Variants in GRID2 observed in about 807,000 individuals in gnomAD.
The protein encoded by GRID2 is glutamate receptor ionotropic, delta-2.
Under a neutral mutation model 114.8 loss-of-function variants are expected in GRID2, and 33 were observed. That is an observed-to-expected ratio of 0.29 (90% CI 0.22 to 0.38). GRID2 has a LOEUF of 0.38. Ranked by LOEUF, GRID2 falls within the 10% of genes least tolerant of loss-of-function variation. GRID2 has a pLI of 1.00. For synonymous variants in GRID2, 505 were observed against 449.9 expected (o/e 1.12, Z -1.55); for missense variants, 1,184 against 1,257.7 (o/e 0.94, Z 0.89).
chr4:92,316,419 C>G (rs1725983335), intron 1 of GRID2, among the ~76,000 whole-genome samples: 1 of 152,018 alleles, frequency 6.6e-6, no homozygotes, highest in Non-Finnish European at 1.5e-5. Context: ...TGGACATTTT[C>G]TATAATCCAT....
chr4:93,744,582 G>C (rs552807511), intron 14 of GRID2, among the ~76,000 whole-genome samples: 1 of 152,266 alleles, frequency 6.6e-6, no homozygotes, highest in South Asian at 2.1e-4. Context: ...GATAAAACTT[G>C]AACGGATGAG....
intron 10 of GRID2, among the ~76,000 whole-genome samples, chr4:93,453,715 A>G (rs116041535): frequency 0.018 from 2,698 of 152,240 alleles, 66 homozygotes; most frequent in African/African-American, 0.062. Context: ...TGAACATTTT[A>G]TAAATATTAT....
intron 1 of GRID2, among the ~76,000 whole-genome samples, chr4:92,349,762 AG>A (rs1727970162): frequency 6.6e-6 from 1 of 151,780 alleles, no homozygotes; most frequent in Admixed American, 6.6e-5. Context: ...AATAATCTGC[AG>A]GGGAAAACAT....
At chr4:92,897,387 G>A (rs981019150) in intron 2 of GRID2, among the ~76,000 whole-genome samples, 1 of 152,088 alleles carries the variant, frequency 6.6e-6, no homozygotes, top group Non-Finnish European at 1.5e-5. Context: ...ATACAAAACA[G>A]TGTACTTTTA....
intron 2 of GRID2, among the ~76,000 whole-genome samples, chr4:92,597,072 G>C (rs373779487): frequency 6.6e-6 from 1 of 151,536 alleles, no homozygotes; most frequent in South Asian, 2.1e-4. Flanking sequence ...TTTTTTTTAC[G>C]ATCATTATAC....
chr4:92,458,844 C>A (rs1165163620), intron 1 of GRID2, among the ~76,000 whole-genome samples: 1 of 152,014 alleles, frequency 6.6e-6, no homozygotes. Context: ...GAAAAAAAGT[C>A]CATGTGATAA....
At chr4:93,298,258 A>T (rs567569219) in intron 8 of GRID2, among the ~76,000 whole-genome samples, 1 of 152,196 alleles carries the variant, frequency 6.6e-6, no homozygotes, top group African/African-American at 2.4e-5. Context: ...ACAAAGTGCC[A>T]TAGGCTGAAT....
rs1723710051 is a variant in GRID2, at chr4:93,461,224, C to A, written c.1858+5250C>A. Among the ~76,000 whole-genome samples, 5 of 152,238 alleles carry A rather than the reference C, an allele frequency of 3.3e-5. No homozygotes were observed. The South Asian group carries it at 8.3e-4, about 25-fold the overall frequency. On this transcript the variant is annotated intron_variant, in intron 11 of 15. Transcript: ENST00000282020. ...CTGAATCGCATATGATTAGCTACTT[C>A]ATCTTTGAAAAGCTGCTATTCTTCC...
chr4:92,817,524 A>G (rs1008730948), intron 2 of GRID2, among the ~76,000 whole-genome samples: 4 of 152,098 alleles, frequency 2.6e-5, no homozygotes, highest in Non-Finnish European at 5.9e-5. Context: ...CCTCATAAAT[A>G]TCTAATGCTT....
chr4:93,626,204 G>T lies in GRID2; in HGVS notation c.2194-65G>T, dbSNP rs183860537. Reference sequence around the variant, plus strand: ...ATACCAATGTAATGTTTTTCATCCTGTCTATGTAAATTAAAATTCCAACTT... The same window carrying T: ...ATACCAATGTAATGTTTTTCATCCTTTCTATGTAAATTAAAATTCCAACTT... On this transcript the variant is annotated intron_variant, in intron 13 of 15. Transcript: ENST00000282020. 254 of 799,416 alleles carry T rather than the reference G, an allele frequency of 3.2e-4. 2 individuals carry two copies. Among genetic ancestry groups the T allele is most frequent in the Non-Finnish European group, 4.7e-4 (221 of 474,712 alleles). The allele number at this position is 799,416 out of a possible 1,614,324, so 49.5% of individuals were successfully genotyped here. A position where few individuals can be genotyped will look rare whatever the true frequency, so the allele number is the denominator to read the frequency against.
At chr4:92,427,696 T>C (rs1429355128) in intron 1 of GRID2, among the ~76,000 whole-genome samples, 1 of 152,170 alleles carries the variant, frequency 6.6e-6, no homozygotes, top group Admixed American at 6.6e-5. Flanking sequence ...ATAGAGCGAA[T>C]AGACCAAGTT....
At chr4:93,666,917 A>G (rs1465449604) in intron 14 of GRID2, among the ~76,000 whole-genome samples, 4 of 151,780 alleles carry the variant, frequency 2.6e-5, no homozygotes, top group African/African-American at 9.7e-5. Flanking sequence ...ATATTACAAC[A>G]CTCCTTCAAA....
chr4:92,946,604 T>C (rs899394744), intron 2 of GRID2, among the ~76,000 whole-genome samples: 1 of 152,124 alleles, frequency 6.6e-6, no homozygotes, highest in African/African-American at 2.4e-5. Flanking sequence ...TGCATATTAC[T>C]CAGCAATATT....
chr4:93,498,593 G>A (rs907771950), intron 12 of GRID2, among the ~76,000 whole-genome samples: 3 of 151,516 alleles, frequency 2.0e-5, no homozygotes, highest in Non-Finnish European at 4.4e-5. Flanking sequence ...TTACTTCTAG[G>A]GGTTTTTGGT....
chr4:92,641,432 G>C (rs1050978881), intron 2 of GRID2, among the ~76,000 whole-genome samples: 17 of 145,072 alleles, frequency 1.2e-4, no homozygotes, highest in African/African-American at 4.4e-4. Flanking sequence ...ATGCCACCGA[G>C]CCTGGCCAAT....
At chr4:93,222,713 G>T (rs183956241) in intron 6 of GRID2, among the ~76,000 whole-genome samples, 2 of 152,124 alleles carry the variant, frequency 1.3e-5, no homozygotes, top group Admixed American at 1.3e-4. Flanking sequence ...AGAACATGCG[G>T]TGTTTGGTTT....
At chr4:92,517,759 G>T (rs1039808372) in intron 1 of GRID2, among the ~76,000 whole-genome samples, 16 of 151,814 alleles carry the variant, frequency 1.1e-4, no homozygotes, top group African/African-American at 3.4e-4. Flanking sequence ...TTAAGGAAAT[G>T]TTCCAAATAT....
chr4:93,764,168 G>A (rs1027587253), intron 14 of GRID2, among the ~76,000 whole-genome samples: 5 of 152,106 alleles, frequency 3.3e-5, no homozygotes, highest in African/African-American at 1.2e-4. Flanking sequence ...GCCTAAACCT[G>A]TTGGATTTCT....
chr4:92,310,543 A>C (rs1235991538), intron 1 of GRID2, among the ~76,000 whole-genome samples: 1 of 152,052 alleles, frequency 6.6e-6, no homozygotes, highest in African/African-American at 2.4e-5. Context: ...AAATTTTAGC[A>C]TATTGATGTG....
Sources: allele counts gnomAD v4.1 joint callset (sites outside exome capture counted in the v4.1 genomes callset), GRCh38; gene constraint gnomAD v4.1.1; transcripts MANE v1.5; gene names NCBI Gene and HGNC (gene_info 2026-07-23, HGNC 2026-07-21).